Variants in NBPF11 observed in about 807,000 individuals in gnomAD.
The protein encoded by NBPF11 is NBPF family member NBPF11.
A neutral mutation model predicts 93.9 loss-of-function variants in NBPF11; 72 were observed. The ratio of observed to expected loss-of-function variants is 0.77; its 90% CI spans 0.63 to 0.93. NBPF11 has a LOEUF of 0.93. Among genes scored for constraint, NBPF11 ranks in the 40% least tolerant of loss-of-function variants. The pLI is 0.00. For synonymous variants in NBPF11, 224 were observed against 304.9 expected (o/e 0.73, Z 2.76); for missense variants, 705 against 802.2 (o/e 0.88, Z 1.46).
At chr1:148,109,111 G>C (rs1427828514) in intron 17 of NBPF11, among the ~76,000 whole-genome samples, 173 bp downstream of exon 17, 2 of 151,440 alleles carry the variant, frequency 1.3e-5, no homozygotes, top group African/African-American at 4.9e-5. Flanking sequence ...AGGGTAGGAA[G>C]AAATGGAAAC....
In NBPF11 at chr1:148,108,469, G is replaced by A. The variant is rs1664337536; in HGVS notation, c.2026+13C>T. ...TCAGTGGATCCTTATCACCTTCATA[G>A]AAAGGTACTCACCATCCATGTCAAC... On this transcript the variant is annotated intron_variant, in intron 18 of 23. Transcript: ENST00000682118. The A allele has an allele frequency of 6.0e-6, 9 of 1,496,424 alleles. No individual in the cohort carries two copies. The South Asian group carries it at 6.8e-5, about 11-fold the overall frequency. The allele number at this position is 1,496,424 out of a possible 1,614,324, so 92.7% of individuals were successfully genotyped here.
rs1282540636 is a variant in NBPF11 at position 148,132,835 on chromosome 1, T to G, written c.-36+2837A>C. Among the ~76,000 whole-genome samples, 8 of 104,874 alleles carry G rather than the reference T, an allele frequency of 7.6e-5. No homozygotes were observed. In the South Asian group the frequency reaches 1.3e-3, roughly 17 times the overall value. 68.8% of individuals were successfully genotyped at this position (104,874 alleles called of 152,430 possible). ...GATGCGATCTCGGCTCACTGTAACC[T>G]CTGCCTCCCAGGTTCAAGTGATCCT... is the stretch of plus-strand genomic sequence containing the variant. On this transcript the variant is annotated intron_variant, in intron 4 of 23. Coordinates refer to ENST00000682118, the MANE Select transcript of NBPF11 (RefSeq NM_001385469.3).
chr1:148,121,274 G>C (rs1571444441), intron 9 of NBPF11, among the ~76,000 whole-genome samples: 1 of 151,484 alleles, frequency 6.6e-6, no homozygotes, highest in Admixed American at 6.6e-5. Context: ...GAACTCCTGA[G>C]CTCAGGTGTT....
In NBPF11 at chr1:148,148,109, G is replaced by A. The variant is rs1673495810; in HGVS notation, c.-549+3641C>T. Among the ~76,000 whole-genome samples, 7 of 152,316 alleles carry A rather than the reference G, an allele frequency of 4.6e-5. No homozygotes were observed. The South Asian group carries it at 1.4e-3, about 32-fold the overall frequency. Reference sequence around the variant, plus strand: ...CACACTACTGACCATGGCTGCCAGGGAGCAGGCCGGGGAGGCCGAGGCAGA... The same window carrying A: ...CACACTACTGACCATGGCTGCCAGGAAGCAGGCCGGGGAGGCCGAGGCAGA... On this transcript the variant is annotated intron_variant, in intron 1 of 23. Transcript: ENST00000682118.
At chr1:148,107,868 G>A in intron 18 of NBPF11, 106 bp from the exon 19 acceptor site, 1 of 690,452 alleles carries the variant, frequency 1.4e-6, no homozygotes, top group South Asian at 1.5e-5. Context: ...CTCAGCATGA[G>A]AATAGGACAC....
chr1:148,138,324 T>C (rs1431370237), intron 2 of NBPF11, among the ~76,000 whole-genome samples: 3 of 151,336 alleles, frequency 2.0e-5, no homozygotes, highest in African/African-American at 7.3e-5. Flanking sequence ...GCCTTCCTCT[T>C]ATCTCAACTG....
rs782538870 is a variant in NBPF11 at position 148,124,986 on chromosome 1, T to C, written c.191A>G (p.Lys64Arg). The change falls in exon 6 of 24, where the codon AAA (lysine) becomes AGA (arginine). Residue 64 changes from lysine (K) to arginine (R), a missense_variant. Transcript: ENST00000682118. ...RQKKYKYEEC[K>R]DLIKFMLRNE... ...CCTCAGCATAAATTTTATGAGGTCT[T>C]TACACTCTTCATACTCTGAGAAAAG... 33 of 1,595,538 alleles carry C rather than the reference T, an allele frequency of 2.1e-5. No individual in the cohort carries two copies. In the African/African-American group the frequency reaches 3.8e-4, roughly 18 times the overall value.
chr1:148,105,486 C>G lies in NBPF11; in HGVS notation c.2346G>C (p.Leu782Phe). The change falls in exon 22 of 24, where the codon TTG becomes TTC. Residue 782 changes from leucine (L) to phenylalanine (F), a missense_variant. Transcript: ENST00000682118. ...ELLEVVEPEV[L>F]QDSLDVIQLL... is the part of the protein sequence containing the mutation. ...GTTGAATAACATCCAGTGAGTCCTGCAAGACTTCAGGCTCTACTACCTCCA... is the reference window on the plus strand; with the variant it reads ...GTTGAATAACATCCAGTGAGTCCTGGAAGACTTCAGGCTCTACTACCTCCA... 2 of 1,083,976 alleles carry G rather than the reference C, an allele frequency of 1.8e-6. No individual in the cohort carries two copies. Among genetic ancestry groups the G allele is most frequent in the South Asian group, 2.6e-5 (2 of 75,732 alleles). The allele number at this position is 1,083,976 out of a possible 1,614,324, so 67.1% of individuals were successfully genotyped here.
chr1:148,149,089 C>T (rs1647529792), intron 1 of NBPF11: 12 of 1,388,146 alleles, frequency 8.6e-6, no homozygotes, highest in East Asian at 7.4e-5. Flanking sequence ...GAGCTGGGCC[C>T]GGGGACGCCC....
chr1:148,136,283 C>A (rs1671264233), intron 3 of NBPF11, among the ~76,000 whole-genome samples: 1 of 151,646 alleles, frequency 6.6e-6, no homozygotes, highest in Non-Finnish European at 1.5e-5. Context: ...ATGTCCATAG[C>A]AGTTTTATTC....
intron 1 of NBPF11, among the ~76,000 whole-genome samples, chr1:148,150,346 CG>C (rs1454317210): frequency 1.3e-5 from 2 of 150,154 alleles, no homozygotes; most frequent in East Asian, 3.9e-4. Flanking sequence ...TCAAGTGATC[CG>C]CCCACCTTGG....
chr1:148,152,075 GC>G lies in NBPF11; in HGVS notation c.-875del, dbSNP rs1648522974. 1 of 152,216 alleles carries G rather than the reference GC, an allele frequency of 6.6e-6. No individual in the cohort carries two copies. Among genetic ancestry groups the G allele is most frequent in the South Asian group, 2.1e-4 (1 of 4,830 alleles). 9.4% of individuals were successfully genotyped at this position (152,216 alleles called of 1,614,324 possible). ...TGCCTCTACCGCACAGCGGGTTCGGGCCGCGGGCCGAGAAAAGGAGTAATGG... is the reference window on the plus strand; with the variant it reads ...TGCCTCTACCGCACAGCGGGTTCGGGCGCGGGCCGAGAAAAGGAGTAATGG... On this transcript the variant is annotated 5_prime_UTR_variant, in exon 1 of 24. Transcript: ENST00000682118.
At chr1:148,138,056 A>C (rs1321565824) in intron 2 of NBPF11, among the ~76,000 whole-genome samples, 1 of 151,398 alleles carries the variant, frequency 6.6e-6, no homozygotes, top group South Asian at 2.1e-4. Context: ...GTGGCAGGAC[A>C]ATAGGATAAT....
chr1:148,140,109 C>T (rs1463333985), intron 2 of NBPF11, among the ~76,000 whole-genome samples: 4 of 151,880 alleles, frequency 2.6e-5, no homozygotes, highest in African/African-American at 4.9e-5. Flanking sequence ...GAAAAGAATA[C>T]GGAGCCCAGA....
At chr1:148,145,201 C>CTTTTTTTTTTT (rs1190949525) in intron 1 of NBPF11, among the ~76,000 whole-genome samples, 313 of 75,284 alleles carry the variant, frequency 4.2e-3, no homozygotes, top group Non-Finnish European at 5.1e-3. Context: ...TTTTTTCTTT[C>CTTTTTTTTTTT]TTTTTTTTTT....
At chr1:148,146,662 C>T in intron 1 of NBPF11, 1 of 1,611,728 alleles carries the variant, frequency 6.2e-7, no homozygotes, top group Non-Finnish European at 8.5e-7. Context: ...CGAGGTCTTC[C>T]CCACCAAGAG....
chr1:148,139,584 G>T, intron 2 of NBPF11, among the ~76,000 whole-genome samples: 1 of 144,128 alleles, frequency 6.9e-6, no homozygotes, highest in African/African-American at 2.6e-5. Context: ...ATTAACAATG[G>T]GGGACTTTTA....
intron 3 of NBPF11, among the ~76,000 whole-genome samples, chr1:148,136,018 A>T (rs2149277081): frequency 1.3e-5 from 2 of 152,012 alleles, no homozygotes; most frequent in East Asian, 3.9e-4. Context: ...TCCCATGCTC[A>T]TGTCCCTGAA....
chr1:148,105,650 G>A, intron 21 of NBPF11, 122 bp from the exon 22 acceptor site: 1 of 654,416 alleles, frequency 1.5e-6, no homozygotes, highest in Non-Finnish European at 2.7e-6. Flanking sequence ...ATCTATTAAT[G>A]AGGTAACAAA....
Sources: gnomAD v4.1 joint callset for allele counts (sites outside exome capture counted in the v4.1 genomes callset) on GRCh38, gnomAD v4.1.1 for gene constraint, MANE v1.5 for transcripts, NCBI Gene and HGNC (gene_info 2026-07-23, HGNC 2026-07-21) for gene names.